PZP: variants seen among roughly 807,000 people sequenced by gnomAD.
PZP encodes pregnancy zone protein.
Under a neutral mutation model 179.8 loss-of-function variants are expected in PZP, and 150 were observed. The ratio of observed to expected loss-of-function variants is 0.83; its 90% CI spans 0.73 to 0.96. PZP has a LOEUF of 0.96. Among genes scored for constraint, PZP ranks in the 40% least tolerant of loss-of-function variants. The pLI, the probability that PZP is intolerant of heterozygous loss-of-function variation, is 0.00. For missense variants in PZP, 1,689 were observed against 1,764.0 expected (o/e 0.96, Z 0.76); for synonymous variants, 624 against 652.3 (o/e 0.96, Z 0.66).
At chr12:9,154,554 A>G in intron 29 of PZP, 62 bp downstream of exon 29, 2 of 1,456,236 alleles carry the variant, frequency 1.4e-6, no homozygotes, top group Non-Finnish European at 9.5e-7. Flanking sequence ...TAACTGTTCT[A>G]CTTTTAAGCC....
chr12:9,192,006 G>A (rs1414396424), intron 13 of PZP, among the ~76,000 whole-genome samples, 187 bp downstream of exon 13: 1 of 152,152 alleles, frequency 6.6e-6, no homozygotes, highest in African/African-American at 2.4e-5. Context: ...ATACAGAGTA[G>A]ACAATCACAT....
chr12:9,184,130 A>C (rs1286827274), intron 13 of PZP, among the ~76,000 whole-genome samples: 1 of 152,250 alleles, frequency 6.6e-6, no homozygotes, highest in Non-Finnish European at 1.5e-5. Context: ...AAAATTTGCC[A>C]ACACATGTGT....
intron 11 of PZP, among the ~76,000 whole-genome samples, chr12:9,193,617 T>C (rs1248602073): frequency 6.6e-6 from 1 of 152,154 alleles, no homozygotes; most frequent in Non-Finnish European, 1.5e-5. Flanking sequence ...GACACTGAAA[T>C]CCATAAATTA....
intron 19 of PZP, 25 bp from the exon 20 acceptor site, chr12:9,164,284 C>G: frequency 1.2e-6 from 2 of 1,607,678 alleles, no homozygotes; most frequent in South Asian, 2.2e-5. Context: ...GAGGCAGAGA[C>G]AGAAATGATC....
At chr12:9,191,396 T>A (rs1173507092) in intron 13 of PZP, among the ~76,000 whole-genome samples, 1 of 152,118 alleles carries the variant, frequency 6.6e-6, no homozygotes, top group African/African-American at 2.4e-5. Flanking sequence ...TTTTTAATGT[T>A]TAATTAAAAT....
chr12:9,192,348 C>A (rs1038409249), intron 12 of PZP, 92 bp from the exon 13 acceptor site: 9 of 1,372,544 alleles, frequency 6.6e-6, no homozygotes, highest in African/African-American at 1.4e-5. Context: ...GTTGTCAAGT[C>A]TGTGCTGGAG....
chr12:9,162,833 T>G (rs1411659300), intron 21 of PZP, among the ~76,000 whole-genome samples, 185 bp from the exon 22 acceptor site: 2 of 152,144 alleles, frequency 1.3e-5, no homozygotes, highest in Non-Finnish European at 2.9e-5. Context: ...GTTACATAGG[T>G]AAATGTGTGC....
In PZP at chr12:9,197,265, A is replaced by G. The variant is rs898298827; in HGVS notation, c.756-142T>C. 7.0e-6 allele frequency: 4 copies of G among 569,238 alleles called. No individual in the cohort carries two copies. The African/African-American group carries it at 8.0e-5, about 11-fold the overall frequency. 35.3% of individuals were successfully genotyped at this position (569,238 alleles called of 1,614,324 possible). On this transcript the variant is annotated intron_variant, in intron 7 of 35. Transcript: ENST00000261336. ...CCACCAAGTAGAAAGCTGTCTGGAA[A>G]ATGTCTCCCTCAAAAATATTAGCCA...
At chr12:9,155,246 A>C (rs1271972170) in intron 28 of PZP, among the ~76,000 whole-genome samples, 1 of 152,218 alleles carries the variant, frequency 6.6e-6, no homozygotes, top group Non-Finnish European at 1.5e-5. Flanking sequence ...AGAGATAAAA[A>C]TAGTTTGAAA....
chr12:9,179,236 T>C (rs565444959), intron 15 of PZP, among the ~76,000 whole-genome samples: 2 of 152,206 alleles, frequency 1.3e-5, no homozygotes, highest in African/African-American at 2.4e-5. Flanking sequence ...CCATATTAGA[T>C]ATCATTTTCT....
At chr12:9,162,244 G>T in intron 22 of PZP, 1 of 180,094 alleles carries the variant, frequency 5.6e-6, no homozygotes. Flanking sequence ...TTACAAATGT[G>T]AGCCACCACA....
At chr12:9,202,176 G>T in intron 4 of PZP, 143 bp downstream of exon 4, 1 of 715,060 alleles carries the variant, frequency 1.4e-6, no homozygotes, top group Non-Finnish European at 2.3e-6. Flanking sequence ...TTTTGTATAA[G>T]ACTGCAAATC....
Position 9,196,589 on chromosome 12 carries a change from T to C in PZP, c.964A>G (p.Ile322Val), listed in dbSNP as rs754830159. 82 of 1,610,208 alleles carry C rather than the reference T, an allele frequency of 5.1e-5. 1 individual carries two copies. The East Asian group carries it at 1.8e-3, about 35-fold the overall frequency. ...FEMKLRVEAR[I>V]REEGTDLEVT... ...CTCACACCTGTCCCCTCTTCTCTGATCCTGGCTTCCACTCTAAGCTTCATT... is the reference window on the plus strand; with the variant it reads ...CTCACACCTGTCCCCTCTTCTCTGACCCTGGCTTCCACTCTAAGCTTCATT... The change falls in exon 9 of 36, where the codon ATC becomes GTC. Residue 322 changes from isoleucine (I) to valine (V), a missense_variant. Around this residue, in one of 3 missense-constraint regions of PZP, gnomAD observed 742 missense variants for 730.5 expected, o/e 1.02. Coordinates refer to ENST00000261336, the MANE Select transcript of PZP (RefSeq NM_002864.3).
chr12:9,192,806 A>C, intron 11 of PZP, 67 bp from the exon 12 acceptor site: 7 of 1,137,658 alleles, frequency 6.2e-6, no homozygotes, highest in Non-Finnish European at 2.6e-6. Flanking sequence ...TCTCACCAAA[A>C]TGAATAGTTA....
Position 9,160,401 on chromosome 12 carries a change from G to A in PZP, c.2962C>T (p.Pro988Ser), listed in dbSNP as rs778353526. ...AGATAGTTCAAGACATAGATGTTAG[G>A]AGCAAATAGGACCATGTTCTGTTCT... Reference protein sequence around the residue: ...CGEQNMVLFAPNIYVLNYLNE... With the variant: ...CGEQNMVLFASNIYVLNYLNE... Residue 988 changes from proline (P) to serine (S), a missense_variant, in exon 24 of 36, where the codon CCT becomes TCT. Transcript: ENST00000261336. 2 of 1,614,046 alleles carry A rather than the reference G, an allele frequency of 1.2e-6. No individual in the cohort carries two copies. Among genetic ancestry groups the A allele is most frequent in the Non-Finnish European group, 1.7e-6 (2 of 1,179,920 alleles).
At chr12:9,182,873 A>G (rs1942861130) in intron 13 of PZP, among the ~76,000 whole-genome samples, 1 of 152,186 alleles carries the variant, frequency 6.6e-6, no homozygotes. Flanking sequence ...CCTGTACATA[A>G]AGGACAGATA....
intron 15 of PZP, among the ~76,000 whole-genome samples, chr12:9,172,246 T>G (rs985622959): frequency 6.6e-6 from 1 of 152,136 alleles, no homozygotes; most frequent in Non-Finnish European, 1.5e-5. Context: ...CAAACTAAGC[T>G]TCAAAAGCAA....
At position 9,148,959 on chromosome 12, in the gene PZP, G is replaced by T; in HGVS notation, c.*13C>A. 1 of 1,604,790 alleles carries T rather than the reference G, an allele frequency of 6.2e-7. No homozygotes were observed. The highest frequency in any genetic ancestry group is 8.5e-7 in the Non-Finnish European group (1 of 1,171,644). On this transcript the variant is annotated 3_prime_UTR_variant, in exon 36 of 36. Transcript: ENST00000261336. ...GACAGAGAATCCACCAAAATATACA[G>T]CCTGTATGGTCCTCAAACATTTCCA... is the stretch of plus-strand genomic sequence containing the variant.
intron 23 of PZP, 67 bp from the exon 24 acceptor site, chr12:9,160,557 A>T: frequency 1.4e-6 from 2 of 1,443,722 alleles, no homozygotes; most frequent in Non-Finnish European, 1.9e-6. Context: ...TTATTAACAA[A>T]AATGGCCTTT....
Sources: gnomAD v4.1 joint callset for allele counts (sites outside exome capture counted in the v4.1 genomes callset) on GRCh38, gnomAD v4.1.1 for gene constraint, gnomAD v4.1.1 regional missense constraint, MANE v1.5 for transcripts, NCBI Gene and HGNC (gene_info 2026-07-23, HGNC 2026-07-21) for gene names.